The following SHC4 variants were observed in gnomAD, a reference collection of about 807,000 sequenced individuals.
The protein encoded by SHC4 is SHC adaptor protein 4, also known as SHC-transforming protein 4.
Under a neutral mutation model 69.4 loss-of-function variants are expected in SHC4, and 41 were observed. The observed-to-expected ratio is 0.59, with a 90% confidence interval of 0.46 to 0.77. SHC4 has a LOEUF of 0.77. SHC4 is among the 30% of genes least tolerant of loss of function. The pLI is 0.00. For missense variants in SHC4, 777 were observed against 783.8 expected (o/e 0.99, Z 0.10); for synonymous variants, 318 against 299.3 (o/e 1.06, Z -0.64).
chr15:48,925,705 A>C (rs1900841674), intron 1 of SHC4, among the ~76,000 whole-genome samples: 1 of 152,152 alleles, frequency 6.6e-6, no homozygotes, highest in African/African-American at 2.4e-5. Flanking sequence ...AGCAGTGAGG[A>C]TCCATGGCAG....
chr15:48,852,689 G>A (rs553528613), intron 8 of SHC4, among the ~76,000 whole-genome samples: 1 of 152,224 alleles, frequency 6.6e-6, no homozygotes, highest in Admixed American at 6.5e-5. Context: ...ATCACCTGAG[G>A]TCAGGAGTTT....
chr15:48,921,765 T>C (rs35617836), intron 2 of SHC4, among the ~76,000 whole-genome samples: 28,046 of 152,234 alleles, frequency 0.18, 3,453 homozygotes, highest in East Asian at 0.43. Flanking sequence ...CACTGAACTA[T>C]ACACTTATAA....
At position 48,924,908 on chromosome 15, in the gene SHC4, C is replaced by G. The variant is rs1182467352; in HGVS notation, c.627G>C (p.Leu209=). ...TAACTTGGGTTCTCATTCCAAAATC[C>G]AGTGATCTCATTGATTGCAGCACTT... ...CVEVLQSMRS[L]DFGMRTQVTR... The change falls in exon 2 of 12, where the codon CTG becomes CTC. Residue 209 remains leucine, a synonymous_variant. Transcript: ENST00000332408. 1 of 1,614,086 alleles carries G rather than the reference C, an allele frequency of 6.2e-7. No individual in the cohort carries two copies. Among genetic ancestry groups the G allele is most frequent in the Non-Finnish European group, 8.5e-7 (1 of 1,180,004 alleles).
chr15:48,851,050 GC>G, intron 9 of SHC4, 137 bp downstream of exon 9: 1 of 720,338 alleles, frequency 1.4e-6, no homozygotes, highest in Admixed American at 2.8e-5. Context: ...TATCTGAGAA[GC>G]CTACAGTCAA....
chr15:48,937,077 G>T (rs1901084935), intron 1 of SHC4, among the ~76,000 whole-genome samples: 1 of 152,234 alleles, frequency 6.6e-6, no homozygotes, highest in Non-Finnish European at 1.5e-5. Context: ...TCTTTCTGCT[G>T]CTGGGCATGG....
In SHC4 at chr15:48,876,452, T is replaced by TAC. The variant is rs34156861; in HGVS notation, c.841-4312_841-4311dup. 975 of 356,466 alleles carry TAC rather than the reference T, an allele frequency of 2.7e-3. 10 individuals carry two copies. Among genetic ancestry groups the TAC allele is most frequent in the African/African-American group, 0.019 (901 of 46,560 alleles). 22.1% of individuals were successfully genotyped at this position (356,466 alleles called of 1,614,324 possible). A position where few individuals can be genotyped will look rare whatever the true frequency, so the allele number is the denominator to read the frequency against. On this transcript the variant is annotated intron_variant, in intron 4 of 11. Transcript: ENST00000332408. ...CTAATGGAATATATACATATATATA[T>TAC]ACACACACACACACACGTATATACA...
intron 1 of SHC4, among the ~76,000 whole-genome samples, chr15:48,960,314 G>A (rs536455062): frequency 6.6e-6 from 1 of 152,296 alleles, no homozygotes; most frequent in Admixed American, 6.5e-5. Context: ...GAAAGCTGAG[G>A]CAGAGGCTAG....
chr15:48,926,886 C>T (rs542040996), intron 1 of SHC4, among the ~76,000 whole-genome samples: 2 of 152,140 alleles, frequency 1.3e-5, no homozygotes, highest in African/African-American at 4.8e-5. Flanking sequence ...CTCATCCAGA[C>T]TCCTGTTAGT....
At chr15:48,934,201 C>A (rs1901025051) in intron 1 of SHC4, among the ~76,000 whole-genome samples, 1 of 151,952 alleles carries the variant, frequency 6.6e-6, no homozygotes, top group East Asian at 1.9e-4. Context: ...AAGAAACTTG[C>A]ATCTAAAATA....
chr15:48,832,247 G>A (rs1464498042), intron 11 of SHC4, among the ~76,000 whole-genome samples: 1 of 152,146 alleles, frequency 6.6e-6, no homozygotes, highest in African/African-American at 2.4e-5. Context: ...ACTCCAGCCT[G>A]GGCGACAAGA....
At chr15:48,876,927 C>T (rs916759565) in intron 4 of SHC4, 3 of 175,484 alleles carry the variant, frequency 1.7e-5, no homozygotes, top group Non-Finnish European at 3.6e-5. Flanking sequence ...CCACAAAAGA[C>T]GGAATGGATC....
intron 1 of SHC4, among the ~76,000 whole-genome samples, chr15:48,950,952 T>G (rs1901356048): frequency 6.6e-6 from 1 of 152,008 alleles, no homozygotes; most frequent in Non-Finnish European, 1.5e-5. Flanking sequence ...AACCTCTCTC[T>G]CCTGGAAACT....
chr15:48,827,707 C>T (rs571395817), intron 11 of SHC4, among the ~76,000 whole-genome samples: 48 of 152,208 alleles, frequency 3.2e-4, no homozygotes, highest in African/African-American at 1.1e-3. Flanking sequence ...CTGAATGCCC[C>T]GTATGCTTTA....
intron 1 of SHC4, among the ~76,000 whole-genome samples, chr15:48,952,991 C>A (rs1901390174): frequency 6.6e-6 from 1 of 152,088 alleles, no homozygotes; most frequent in African/African-American, 2.4e-5. Flanking sequence ...GCACTATTCA[C>A]AATAGCAAAG....
intron 1 of SHC4, among the ~76,000 whole-genome samples, chr15:48,961,342 A>G (rs903143879): frequency 6.6e-6 from 1 of 152,180 alleles, no homozygotes; most frequent in African/African-American, 2.4e-5. Flanking sequence ...TCGGTCTCCC[A>G]AGCTACCCGT....
intron 2 of SHC4, among the ~76,000 whole-genome samples, chr15:48,921,652 G>A (rs1900755697): frequency 6.6e-6 from 1 of 152,166 alleles, no homozygotes; most frequent in Non-Finnish European, 1.5e-5. Context: ...TGTTTAATGA[G>A]TACAGAGTTT....
At chr15:48,932,406 A>G (rs1397041109) in intron 1 of SHC4, among the ~76,000 whole-genome samples, 1 of 152,180 alleles carries the variant, frequency 6.6e-6, no homozygotes, top group African/African-American at 2.4e-5. Flanking sequence ...CACTTTGGAG[A>G]AAACACCAGT....
Position 48,834,940 on chromosome 15 carries a change from C to T in SHC4, c.1566G>A (p.Trp522Ter), listed in dbSNP as rs1898873326. 6.2e-7 allele frequency: 1 copy of T among 1,613,662 alleles called. No homozygotes were observed. The change falls in exon 11 of 12, where the codon TGG becomes TGA. Residue 522 changes from tryptophan to a stop codon, truncating the protein, a stop_gained. Transcript: ENST00000332408. LOFTEE classifies it high-confidence loss of function. Reference sequence around the variant, plus strand: ...GCTTGCCATGATAGCATTCTTCGCTCCACAGCTGCTGCTTAATGTGTGGCA... The same window carrying T: ...GCTTGCCATGATAGCATTCTTCGCTTCACAGCTGCTGCTTAATGTGTGGCA... The part of the protein sequence containing the change: ...HSLPHIKQQL[W>*]SEECYHGKLS...
At chr15:48,854,459 A>G (rs1413111827) in intron 8 of SHC4, among the ~76,000 whole-genome samples, 5 of 152,204 alleles carry the variant, frequency 3.3e-5, no homozygotes, top group African/African-American at 1.2e-4. Context: ...AGCAATCCCA[A>G]CTACTGGGTA....
Sources: gnomAD v4.1 joint callset for allele counts (sites outside exome capture counted in the v4.1 genomes callset) on GRCh38, gnomAD v4.1.1 for gene constraint, MANE v1.5 for transcripts, NCBI Gene and HGNC (gene_info 2026-07-23, HGNC 2026-07-21) for gene names.